The following MCPH1 variants were observed in gnomAD, a reference collection of about 807,000 sequenced individuals.
MCPH1 encodes the protein microcephalin 1, also known as microcephalin.
In MCPH1, 104 loss-of-function variants were observed where a neutral mutation model predicts 84.5. The ratio of observed to expected loss-of-function variants is 1.23; its 90% CI spans 1.05 to 1.45. The LOEUF (loss-of-function observed/expected upper bound fraction) is 1.45, where lower values mean the gene tolerates loss of function less well. Ranked by LOEUF, MCPH1 falls within the 40% of genes most tolerant of loss-of-function variation. MCPH1 has a pLI of 0.00. For missense variants in MCPH1, 1,498 were observed against 1,005.7 expected (o/e 1.49, Z -6.62); for synonymous variants, 514 against 366.8 (o/e 1.40, Z -4.58).
chr8:6,588,499 T>C (rs1214073727), intron 12 of MCPH1, among the ~76,000 whole-genome samples: 1 of 152,172 alleles, frequency 6.6e-6, no homozygotes, highest in African/African-American at 2.4e-5. Flanking sequence ...CATGCTAGGA[T>C]GGCAAGAGAG....
intron 2 of MCPH1, among the ~76,000 whole-genome samples, chr8:6,411,442 C>T (rs1256646182): frequency 6.6e-6 from 1 of 152,158 alleles, no homozygotes; most frequent in Non-Finnish European, 1.5e-5. Context: ...CCGTAAAGTG[C>T]AAGAGTGATG....
intron 12 of MCPH1, among the ~76,000 whole-genome samples, chr8:6,568,743 C>T (rs564536361): frequency 6.6e-5 from 10 of 152,316 alleles, no homozygotes; most frequent in African/African-American, 2.4e-4. Context: ...CTGGGCAGCC[C>T]CTCCTGAGAC....
At chr8:6,550,607 G>A (rs981506210) in intron 12 of MCPH1, among the ~76,000 whole-genome samples, 2 of 152,230 alleles carry the variant, frequency 1.3e-5, no homozygotes, top group African/African-American at 2.4e-5. Flanking sequence ...GTAGGGTGGC[G>A]GGCGTTGGTG....
intron 12 of MCPH1, 185 bp from the exon 13 acceptor site, chr8:6,621,269 C>A (rs1196114487): frequency 2.8e-6 from 2 of 715,080 alleles, no homozygotes; most frequent in Non-Finnish European, 2.3e-6. Flanking sequence ...CAGAAAACGT[C>A]AGTTTTATGT....
At chr8:6,562,020 C>T (rs891880750) in intron 12 of MCPH1, among the ~76,000 whole-genome samples, 6 of 152,144 alleles carry the variant, frequency 3.9e-5, no homozygotes, top group Non-Finnish European at 7.4e-5. Context: ...ACCTCTGGGA[C>T]GCTTGGGAAC....
chr8:6,539,711 C>T (rs1223789187), intron 12 of MCPH1, among the ~76,000 whole-genome samples: 1 of 152,198 alleles, frequency 6.6e-6, no homozygotes, highest in Non-Finnish European at 1.5e-5. Context: ...CTCAGCTTCC[C>T]AAGTAGCTGG....
chr8:6,636,624 C>T (rs1250600845), intron 13 of MCPH1, among the ~76,000 whole-genome samples: 1 of 152,188 alleles, frequency 6.6e-6, no homozygotes. Context: ...GGACTACAGT[C>T]ATGCTGTCGC....
At chr8:6,606,482 C>T (rs752400617) in intron 12 of MCPH1, among the ~76,000 whole-genome samples, 4 of 152,138 alleles carry the variant, frequency 2.6e-5, no homozygotes, top group Non-Finnish European at 5.9e-5. Context: ...AAGCAAGGTC[C>T]CTGTCCTAGT....
chr8:6,600,563 T>G (rs1296204382), intron 12 of MCPH1, among the ~76,000 whole-genome samples: 1 of 152,374 alleles, frequency 6.6e-6, no homozygotes, highest in Middle Eastern at 3.4e-3. Context: ...TGAGGCACGT[T>G]AGGCTTGTGA....
chr8:6,420,707 C>T (rs1800054042), intron 3 of MCPH1, among the ~76,000 whole-genome samples: 1 of 152,144 alleles, frequency 6.6e-6, no homozygotes, highest in Admixed American at 6.5e-5. Flanking sequence ...GCTTCAGTTA[C>T]TGTAGCAGCC....
In MCPH1 at chr8:6,445,298, T is replaced by C; in HGVS notation, c.1576T>C (p.Ser526Pro). ...CGCATGCCCAGAGGGAAATGGCTTTTCTTACACCATTGAGGACCCTGCTCT... is the reference window on the plus strand; with the variant it reads ...CGCATGCCCAGAGGGAAATGGCTTTCCTTACACCATTGAGGACCCTGCTCT... ...EDACPEGNGFSYTIEDPALPK... is the reference protein window; with the variant it reads ...EDACPEGNGFPYTIEDPALPK... Residue 526 changes from serine to proline, a missense_variant, in exon 8 of 14, where the codon TCT (serine) becomes CCT (proline). Coordinates refer to ENST00000344683, the MANE Select transcript of MCPH1 (RefSeq NM_024596.5). The C allele has an allele frequency of 1.2e-6, 2 of 1,614,262 alleles. No homozygotes were observed. The highest frequency in any genetic ancestry group is 1.7e-6 in the Non-Finnish European group (2 of 1,180,048).
In MCPH1 at chr8:6,508,622, T is replaced by C. The variant is rs112679236; in HGVS notation, c.2214+8693T>C. The C allele has an allele frequency of 1.8e-3, 914 of 502,412 alleles. 12 individuals are homozygous for C. Among genetic ancestry groups the C allele is most frequent in the African/African-American group, 0.017 (864 of 51,164 alleles). 31.1% of individuals were successfully genotyped at this position (502,412 alleles called of 1,614,324 possible). A position where few individuals can be genotyped will look rare whatever the true frequency, so the allele number is the denominator to read the frequency against. On this transcript the variant is annotated intron_variant, in intron 12 of 13. Coordinates refer to ENST00000344683, the MANE Select transcript of MCPH1 (RefSeq NM_024596.5). ...CATAAAGCAAAATGTAATTAAACCA[T>C]CTCTCTAGTATCCAGCAAGCACAAA...
At chr8:6,521,274 C>G (rs559580923) in intron 12 of MCPH1, 2 of 1,613,748 alleles carry the variant, frequency 1.2e-6, no homozygotes, top group Non-Finnish European at 1.7e-6. Context: ...GTGGCAGTCA[C>G]TATTTTTTTT....
At chr8:6,622,633 G>T (rs924024528) in intron 13 of MCPH1, among the ~76,000 whole-genome samples, 5 of 152,220 alleles carry the variant, frequency 3.3e-5, no homozygotes, top group Non-Finnish European at 5.9e-5. Flanking sequence ...TCTGGAGGCT[G>T]GAAGTCTAAG....
chr8:6,490,314 T>G (rs1190854469), intron 11 of MCPH1, among the ~76,000 whole-genome samples: 1 of 152,186 alleles, frequency 6.6e-6, no homozygotes, highest in Non-Finnish European at 1.5e-5. Flanking sequence ...TCAACCATGG[T>G]TTGGTTTTAT....
At chr8:6,512,448 C>T (rs993508115) in intron 12 of MCPH1, among the ~76,000 whole-genome samples, 6 of 152,078 alleles carry the variant, frequency 3.9e-5, no homozygotes, top group African/African-American at 1.4e-4. Flanking sequence ...TTGTGATGTT[C>T]GTGTTGACCT....
Position 6,517,877 on chromosome 8 carries a change from A to G in MCPH1, c.2214+17948A>G, listed in dbSNP as rs183113402. On this transcript the variant is annotated intron_variant, in intron 12 of 13. Coordinates refer to ENST00000344683, the MANE Select transcript of MCPH1 (RefSeq NM_024596.5). ...TAAGTCTGGAAGGGAATTTAGAAGT[A>G]ACAATTGACACCACTTATTTTTCAA... Among the ~76,000 whole-genome samples the G allele has an allele frequency of 2.3e-3, 353 of 152,340 alleles. 3 individuals are homozygous for G. The highest frequency in any genetic ancestry group is 8.2e-3 in the African/African-American group (340 of 41,578).
At chr8:6,435,581 C>T (rs757748157) in intron 4 of MCPH1, among the ~76,000 whole-genome samples, 4 of 152,112 alleles carry the variant, frequency 2.6e-5, no homozygotes, top group African/African-American at 4.8e-5. Context: ...ATTTGGCCCC[C>T]GTTCCTTGGT....
At chr8:6,609,167 C>G (rs946215712) in intron 12 of MCPH1, among the ~76,000 whole-genome samples, 1 of 151,992 alleles carries the variant, frequency 6.6e-6, no homozygotes, top group African/African-American at 2.4e-5. Flanking sequence ...TTGTGTAGTT[C>G]TTTCCCTGTG....
Sources: allele counts gnomAD v4.1 joint callset (sites outside exome capture counted in the v4.1 genomes callset), GRCh38; gene constraint gnomAD v4.1.1; transcripts MANE v1.5; gene names NCBI Gene and HGNC (gene_info 2026-07-23, HGNC 2026-07-21).